Variants in CCDC6 observed in about 807,000 individuals in gnomAD.
CCDC6 encodes coiled-coil domain containing 6.
A neutral mutation model predicts 56.6 loss-of-function variants in CCDC6; 20 were observed. The ratio of observed to expected loss-of-function variants is 0.35; its 90% CI spans 0.25 to 0.51. The LOEUF is 0.51. CCDC6 is among the 20% of genes least tolerant of loss of function. The pLI is 0.95. For missense variants in CCDC6, 367 were observed against 601.1 expected (o/e 0.61, Z 4.07); for synonymous variants, 241 against 234.4 (o/e 1.03, Z -0.26).
chr10:59,807,137 A>G, intron 5 of CCDC6, 59 bp from the exon 6 acceptor site: 1 of 1,514,916 alleles, frequency 6.6e-7, no homozygotes, highest in Non-Finnish European at 9.1e-7. Flanking sequence ...CAAATCTAAA[A>G]AAAAGGAGAC....
At chr10:59,804,027 G>A (rs1448069611) in intron 7 of CCDC6, among the ~76,000 whole-genome samples, 1 of 152,174 alleles carries the variant, frequency 6.6e-6, no homozygotes, top group Non-Finnish European at 1.5e-5. Context: ...ACAAAAATGA[G>A]ATTAATGTAT....
At chr10:59,896,317 C>T (rs996936155) in intron 1 of CCDC6, among the ~76,000 whole-genome samples, 2 of 152,204 alleles carry the variant, frequency 1.3e-5, no homozygotes, top group Non-Finnish European at 2.9e-5. Flanking sequence ...TGACCCTTCC[C>T]TCCTGGAGGA....
At position 59,792,827 on chromosome 10, in the gene CCDC6, T is replaced by C. The variant is rs373677612; in HGVS notation, c.*90A>G. The C allele has an allele frequency of 7.7e-7, 1 of 1,303,036 alleles. No homozygotes were observed. Among genetic ancestry groups the C allele is most frequent in the African/African-American group, 1.4e-5 (1 of 69,112 alleles). The allele number at this position is 1,303,036 out of a possible 1,614,324, so 80.7% of individuals were successfully genotyped here. A position where few individuals can be genotyped will look rare whatever the true frequency, so the allele number is the denominator to read the frequency against. On this transcript the variant is annotated 3_prime_UTR_variant, in exon 9 of 9. Transcript: ENST00000263102. ...ATAACCTCAGTGCAAATAAGTCATA[T>C]CCAAATATGCCAGAGAAGGAAGCCT...
At chr10:59,871,035 C>A (rs2071224418) in intron 1 of CCDC6, among the ~76,000 whole-genome samples, 1 of 151,944 alleles carries the variant, frequency 6.6e-6, no homozygotes. Flanking sequence ...GAAAAGCTCG[C>A]CTGAGATACA....
At chr10:59,799,569 C>T (rs1048461044) in intron 7 of CCDC6, among the ~76,000 whole-genome samples, 3 of 152,174 alleles carry the variant, frequency 2.0e-5, no homozygotes, top group African/African-American at 7.2e-5. Flanking sequence ...ATCAGAATCT[C>T]CAGGGAGCTG....
intron 1 of CCDC6, among the ~76,000 whole-genome samples, chr10:59,883,878 T>C (rs888238105): frequency 6.6e-6 from 1 of 152,184 alleles, no homozygotes; most frequent in African/African-American, 2.4e-5. Flanking sequence ...TTGTCAGAGT[T>C]CAAAACCCTC....
intron 1 of CCDC6, among the ~76,000 whole-genome samples, chr10:59,873,457 C>A (rs2071249888): frequency 6.6e-6 from 1 of 152,176 alleles, no homozygotes; most frequent in Non-Finnish European, 1.5e-5. Flanking sequence ...ACAGAAGGAT[C>A]TTCCCCGGCC....
chr10:59,843,845 T>C (rs1041580032), intron 2 of CCDC6, among the ~76,000 whole-genome samples: 2 of 152,206 alleles, frequency 1.3e-5, no homozygotes, highest in Non-Finnish European at 2.9e-5. Flanking sequence ...CAGCCCTTCA[T>C]GATTCCAGCT....
At chr10:59,887,596 A>G (rs1171820) in intron 1 of CCDC6, among the ~76,000 whole-genome samples, 99,679 of 151,892 alleles carry the variant, frequency 0.66, 33,171 homozygotes, top group East Asian at 0.86. Context: ...AGGGGACCAA[A>G]TACCAAGTGA....
intron 7 of CCDC6, among the ~76,000 whole-genome samples, chr10:59,797,477 G>C (rs565065745): frequency 2.0e-5 from 3 of 149,254 alleles, no homozygotes; most frequent in African/African-American, 4.9e-5. Flanking sequence ...GGAGAAAATC[G>C]AGCAAAGGAG....
chr10:59,812,901 G>A, intron 4 of CCDC6, 106 bp from the exon 5 acceptor site: 1 of 741,022 alleles, frequency 1.3e-6, no homozygotes, highest in South Asian at 2.0e-5. Flanking sequence ...CCTGTTTACT[G>A]CCAGAATTCA....
chr10:59,864,727 G>C (rs970844090), intron 1 of CCDC6, among the ~76,000 whole-genome samples: 3 of 152,146 alleles, frequency 2.0e-5, no homozygotes, highest in Non-Finnish European at 4.4e-5. Flanking sequence ...CGCATTCAGG[G>C]GGAGGTTCAG....
intron 5 of CCDC6, among the ~76,000 whole-genome samples, chr10:59,811,972 T>C (rs188372939): frequency 2.2e-3 from 330 of 149,856 alleles, no homozygotes; most frequent in Non-Finnish European, 2.1e-3. Context: ...GGGAACAGGG[T>C]AGCTAGAGAA....
At chr10:59,846,072 A>C (rs1316557703) in intron 2 of CCDC6, among the ~76,000 whole-genome samples, 2 of 152,208 alleles carry the variant, frequency 1.3e-5, no homozygotes, top group African/African-American at 4.8e-5. Context: ...ATCCTGGAAA[A>C]GAAGAGAATT....
At chr10:59,839,970 C>A (rs994616678) in intron 2 of CCDC6, among the ~76,000 whole-genome samples, 10 of 152,200 alleles carry the variant, frequency 6.6e-5, no homozygotes, top group African/African-American at 2.4e-4. Context: ...GAATTACAGG[C>A]ATGTGCCACC....
intron 1 of CCDC6, among the ~76,000 whole-genome samples, chr10:59,853,328 G>A (rs1346053490): frequency 6.6e-6 from 1 of 152,094 alleles, no homozygotes; most frequent in Non-Finnish European, 1.5e-5. Flanking sequence ...GATCTCAAGA[G>A]TTGAGACCAG....
intron 2 of CCDC6, among the ~76,000 whole-genome samples, chr10:59,832,955 T>G (rs1452118710): frequency 1.3e-5 from 2 of 152,226 alleles, no homozygotes; most frequent in Admixed American, 6.5e-5. Flanking sequence ...ATACCAATTT[T>G]TATTAAATGA....
intron 1 of CCDC6, among the ~76,000 whole-genome samples, chr10:59,866,443 G>C (rs929376012): frequency 7.9e-5 from 12 of 152,204 alleles, no homozygotes; most frequent in Non-Finnish European, 1.8e-4. Flanking sequence ...GCTGAATAGG[G>C]AGGAGCATAA....
At chr10:59,804,100 G>C (rs2070599328) in intron 7 of CCDC6, among the ~76,000 whole-genome samples, 1 of 151,798 alleles carries the variant, frequency 6.6e-6, no homozygotes, top group African/African-American at 2.4e-5. Flanking sequence ...ATCTACCTAA[G>C]GCTTTTTTGT....
Sources: gnomAD v4.1 joint callset for allele counts (sites outside exome capture counted in the v4.1 genomes callset) on GRCh38, gnomAD v4.1.1 for gene constraint, MANE v1.5 for transcripts, NCBI Gene and HGNC (gene_info 2026-07-23, HGNC 2026-07-21) for gene names.